EFCAB6: variants seen among roughly 807,000 people sequenced by gnomAD.
EFCAB6 encodes EF-hand calcium binding domain 6.
Under a neutral mutation model 169.8 loss-of-function variants are expected in EFCAB6, and 156 were observed. That is an observed-to-expected ratio of 0.92 (90% CI 0.81 to 1.05). The LOEUF is 1.05. Among genes scored for constraint, EFCAB6 ranks in the 50% least tolerant of loss-of-function variants. EFCAB6 has a pLI of 0.00. For missense variants in EFCAB6, 1,800 were observed against 1,829.1 expected (o/e 0.98, Z 0.29); for synonymous variants, 698 against 676.4 (o/e 1.03, Z -0.50).
At chr22:43,733,403 C>T (rs1325829464) in intron 7 of EFCAB6, among the ~76,000 whole-genome samples, 1 of 152,186 alleles carries the variant, frequency 6.6e-6, no homozygotes, top group African/African-American at 2.4e-5. Context: ...AACACACTGG[C>T]CTCCAGGGCA....
intron 7 of EFCAB6, among the ~76,000 whole-genome samples, chr22:43,733,183 G>A (rs576179468): frequency 2.6e-5 from 4 of 152,196 alleles, no homozygotes; most frequent in East Asian, 1.9e-4. Context: ...TTTCATCTAC[G>A]GTCTCTGTCT....
At chr22:43,665,050 A>G (rs1317535596) in intron 17 of EFCAB6, among the ~76,000 whole-genome samples, 1 of 152,168 alleles carries the variant, frequency 6.6e-6, no homozygotes, top group Non-Finnish European at 1.5e-5. Flanking sequence ...GAGGAAGAGG[A>G]GACTCAGTAA....
intron 8 of EFCAB6, among the ~76,000 whole-genome samples, chr22:43,728,128 T>C (rs184341662): frequency 6.6e-6 from 1 of 152,302 alleles, no homozygotes; most frequent in African/African-American, 2.4e-5. Flanking sequence ...GTGTTCTCAT[T>C]GTTCAACTCT....
At chr22:43,664,642 A>G (rs530848449) in intron 17 of EFCAB6, among the ~76,000 whole-genome samples, 2 of 152,312 alleles carry the variant, frequency 1.3e-5, no homozygotes, top group East Asian at 3.9e-4. Flanking sequence ...TTACCCAAGG[A>G]GCCGCGATCT....
chr22:43,666,700 T>TG (rs2057272245), intron 17 of EFCAB6, among the ~76,000 whole-genome samples: 2 of 139,206 alleles, frequency 1.4e-5, no homozygotes, highest in African/African-American at 2.9e-5. Context: ...TGTTTTTTTT[T>TG]TTTTTTTTTT....
intron 27 of EFCAB6, among the ~76,000 whole-genome samples, chr22:43,545,390 G>T (rs998099874): frequency 2.0e-5 from 3 of 152,104 alleles, no homozygotes; most frequent in African/African-American, 4.8e-5. Context: ...ATAAGCCTCC[G>T]TTCACAAAAC....
chr22:43,791,895 T>C (rs1452035675), intron 2 of EFCAB6, among the ~76,000 whole-genome samples: 1 of 152,168 alleles, frequency 6.6e-6, no homozygotes, highest in Non-Finnish European at 1.5e-5. Flanking sequence ...TGAACACTCA[T>C]GACGGCAACC....
At chr22:43,612,646 C>G (rs895911149) in intron 21 of EFCAB6, among the ~76,000 whole-genome samples, 3 of 152,160 alleles carry the variant, frequency 2.0e-5, no homozygotes, top group Non-Finnish European at 4.4e-5. Context: ...AATTCCAGCA[C>G]TTTGGGAGGC....
At chr22:43,769,187 T>G (rs964645738) in intron 4 of EFCAB6, among the ~76,000 whole-genome samples, 15 of 152,198 alleles carry the variant, frequency 9.9e-5, no homozygotes, top group African/African-American at 3.4e-4. Context: ...AGGTACAAAT[T>G]CATGCTGTAA....
At chr22:43,660,529 A>G (rs2056952429) in intron 17 of EFCAB6, among the ~76,000 whole-genome samples, 1 of 150,918 alleles carries the variant, frequency 6.6e-6, no homozygotes, top group African/African-American at 2.4e-5. Context: ...AAATAAGTAT[A>G]CATATTTATA....
chr22:43,695,595 T>C (rs960616084), intron 10 of EFCAB6, among the ~76,000 whole-genome samples: 2 of 152,052 alleles, frequency 1.3e-5, no homozygotes, highest in Admixed American at 6.6e-5. Context: ...CTTAACTCTT[T>C]AGCTACAGTA....
chr22:43,661,332 G>T (rs1435968888), intron 17 of EFCAB6, among the ~76,000 whole-genome samples: 1 of 152,140 alleles, frequency 6.6e-6, no homozygotes, highest in Non-Finnish European at 1.5e-5. Flanking sequence ...GAGCATGATC[G>T]CACCATTGCA....
intron 10 of EFCAB6, among the ~76,000 whole-genome samples, chr22:43,691,016 A>G (rs2058393992): frequency 6.6e-6 from 1 of 151,942 alleles, no homozygotes; most frequent in Non-Finnish European, 1.5e-5. Context: ...CATTTTTGCT[A>G]TGATTATGAT....
At chr22:43,703,215 T>G (rs1435113558) in intron 10 of EFCAB6, among the ~76,000 whole-genome samples, 1 of 152,230 alleles carries the variant, frequency 6.6e-6, no homozygotes, top group Non-Finnish European at 1.5e-5. Context: ...GCCTGATTAC[T>G]GAGCCCAGCT....
intron 5 of EFCAB6, chr22:43,759,533 A>C (rs2061078787): frequency 6.6e-6 from 1 of 152,200 alleles, no homozygotes; most frequent in Non-Finnish European, 1.5e-5. Context: ...ATCTGAAGCA[A>C]ATCTCAAAAG....
At chr22:43,540,059 T>G in intron 28 of EFCAB6, 68 bp downstream of exon 28, 1 of 1,563,224 alleles carries the variant, frequency 6.4e-7, no homozygotes, top group South Asian at 1.1e-5. Flanking sequence ...GCCCCCAAAG[T>G]CCCCCCAGTG....
At chr22:43,683,506 A>T (rs1332250085) in intron 12 of EFCAB6, among the ~76,000 whole-genome samples, 1 of 152,184 alleles carries the variant, frequency 6.6e-6, no homozygotes, top group Non-Finnish European at 1.5e-5. Flanking sequence ...CACAACTGGC[A>T]CCTATGTTAC....
chr22:43,697,383 T>A (rs1367102694), intron 10 of EFCAB6, among the ~76,000 whole-genome samples: 1 of 152,186 alleles, frequency 6.6e-6, no homozygotes, highest in Non-Finnish European at 1.5e-5. Context: ...CCTCATATGG[T>A]CTCAACTATG....
At chr22:43,802,982 T>C (rs1479826296) in intron 2 of EFCAB6, among the ~76,000 whole-genome samples, 2 of 152,222 alleles carry the variant, frequency 1.3e-5, no homozygotes, top group Admixed American at 1.3e-4. Flanking sequence ...CTCTTCTAGT[T>C]TTGAGAGACT....
Sources: gnomAD v4.1 joint callset for allele counts (sites outside exome capture counted in the v4.1 genomes callset) on GRCh38, gnomAD v4.1.1 for gene constraint, MANE v1.5 for transcripts, NCBI Gene and HGNC (gene_info 2026-07-23, HGNC 2026-07-21) for gene names.